The following SYCP1 variants were observed in gnomAD, a reference collection of about 807,000 sequenced individuals.
SYCP1 encodes the protein synaptonemal complex protein 1.
A neutral mutation model predicts 153.1 loss-of-function variants in SYCP1; 64 were observed. The observed-to-expected ratio is 0.42, with a 90% CI of 0.34 to 0.51. SYCP1 has a LOEUF of 0.51. Ranked by LOEUF, SYCP1 falls within the 20% of genes least tolerant of loss-of-function variation. The pLI, the probability that SYCP1 is intolerant of heterozygous loss-of-function variation, is 0.06. For synonymous variants in SYCP1, 384 were observed against 341.8 expected (o/e 1.12, Z -1.36); for missense variants, 997 against 1,049.0 (o/e 0.95, Z 0.68).
At chr1:114,957,313 T>G (rs1275091363) in intron 27 of SYCP1, among the ~76,000 whole-genome samples, 2 of 152,192 alleles carry the variant, frequency 1.3e-5, no homozygotes, top group African/African-American at 2.4e-5. Flanking sequence ...TTTACTTAGA[T>G]GTAAGACCTG....
At chr1:114,986,985 C>T (rs568176621) in intron 30 of SYCP1, among the ~76,000 whole-genome samples, 60 of 152,000 alleles carry the variant, frequency 3.9e-4, no homozygotes, top group Admixed American at 1.1e-3. Context: ...CCAGAGGGGG[C>T]AATAGGACTT....
intron 4 of SYCP1, 64 bp downstream of exon 4, chr1:114,857,339 GA>G (rs559017767): frequency 7.1e-4 from 1,110 of 1,553,460 alleles, no homozygotes; most frequent in Non-Finnish European, 8.6e-4. Context: ...ATTTGAAGAC[GA>G]AAAAAGTCTT....
chr1:114,947,883 T>G (rs1412543366), intron 27 of SYCP1, among the ~76,000 whole-genome samples: 1 of 151,158 alleles, frequency 6.6e-6, no homozygotes, highest in Non-Finnish European at 1.5e-5. Flanking sequence ...TGTTAACATT[T>G]TTAATGTATA....
Position 114,876,061 on chromosome 1 carries a change from T to C in SYCP1, c.658-8T>C. On this transcript the variant is annotated splice_polypyrimidine_tract_variant and splice_region_variant and intron_variant, in intron 9 of 31. Transcript: ENST00000369522. Reference sequence around the variant, plus strand: ...TTTAAGTATGATTCTTAAAACTTTATATTTCAGAAAATGATAACAGCTTTT... The same window carrying C: ...TTTAAGTATGATTCTTAAAACTTTACATTTCAGAAAATGATAACAGCTTTT... 6.5e-7 allele frequency: 1 copy of C among 1,543,260 alleles called. No individual in the cohort carries two copies. The highest frequency in any genetic ancestry group is 8.7e-7 in the Non-Finnish European group (1 of 1,144,770).
Position 114,924,489 on chromosome 1 carries a change from T to A in SYCP1, c.1800+959T>A, listed in dbSNP as rs377332398. The stretch of plus-strand genomic sequence containing the variant: ...TATTAGAGTCTATAGAAAGGACATC[T>A]AATCCAAACTTGAGCTAGGGCGTGC... On this transcript the variant is annotated intron_variant, in intron 21 of 31. Coordinates refer to ENST00000369522, the MANE Select transcript of SYCP1 (RefSeq NM_003176.4). 1.2e-4 allele frequency among the ~76,000 whole-genome samples: 19 copies of A among 152,306 alleles called. No homozygotes were observed. In the South Asian group the frequency reaches 3.9e-3, roughly 32 times the overall value.
At chr1:114,963,023 TC>T (rs1671878058) in intron 27 of SYCP1, among the ~76,000 whole-genome samples, 2 of 152,242 alleles carry the variant, frequency 1.3e-5, no homozygotes, top group African/African-American at 4.8e-5. Context: ...TTGTAAGGTT[TC>T]TGCTGAGAAG....
intron 8 of SYCP1, among the ~76,000 whole-genome samples, chr1:114,865,481 G>T (rs1664681286): frequency 6.6e-6 from 1 of 152,120 alleles, no homozygotes; most frequent in Non-Finnish European, 1.5e-5. Context: ...TTCATTGTGG[G>T]TGTTCCAATA....
chr1:114,978,662 G>C (rs1672950842), intron 28 of SYCP1, among the ~76,000 whole-genome samples: 1 of 151,604 alleles, frequency 6.6e-6, no homozygotes, highest in Non-Finnish European at 1.5e-5. Context: ...AGTTAAACTG[G>C]AAGGAAATGA....
chr1:114,884,889 T>C (rs748529881), intron 12 of SYCP1, among the ~76,000 whole-genome samples: 4 of 152,180 alleles, frequency 2.6e-5, no homozygotes, highest in Non-Finnish European at 4.4e-5. Flanking sequence ...GCTTTTATGA[T>C]GTTTAAAAAT....
intron 11 of SYCP1, among the ~76,000 whole-genome samples, chr1:114,877,290 G>T (rs1408066486): frequency 6.6e-6 from 1 of 151,994 alleles, no homozygotes; most frequent in Non-Finnish European, 1.5e-5. Flanking sequence ...TCATATAGTG[G>T]AAGACTTGAA....
intron 16 of SYCP1, 104 bp downstream of exon 16, chr1:114,895,613 T>C (rs1667008609): frequency 1.8e-6 from 1 of 561,332 alleles, no homozygotes; most frequent in Admixed American, 4.2e-5. Context: ...ATACTAATTT[T>C]TTCAGCTAAA....
chr1:114,919,280 T>C (rs764271898), intron 20 of SYCP1, among the ~76,000 whole-genome samples: 1 of 152,088 alleles, frequency 6.6e-6, no homozygotes, highest in Non-Finnish European at 1.5e-5. Context: ...TTTTGTCCTA[T>C]AGCATGTTGA....
chr1:114,860,866 G>A, intron 8 of SYCP1, 57 bp downstream of exon 8: 1 of 1,288,838 alleles, frequency 7.8e-7, no homozygotes, highest in Non-Finnish European at 1.1e-6. Flanking sequence ...GGTAGAGGTG[G>A]AGAGGGAAAG....
chr1:114,947,325 G>T lies in SYCP1; in HGVS notation c.2322+5G>T. 4 of 1,609,720 alleles carry T rather than the reference G, an allele frequency of 2.5e-6. No individual in the cohort carries two copies. Among genetic ancestry groups the T allele is most frequent in the Non-Finnish European group, 2.5e-6 (3 of 1,177,986 alleles). On this transcript the variant is annotated splice_donor_5th_base_variant and intron_variant, in intron 27 of 31. Coordinates refer to ENST00000369522, the MANE Select transcript of SYCP1 (RefSeq NM_003176.4). ...GAAATAGAAAGAGAAGAGAAGGTAG[G>T]TTTTTTGGCATTATAGATAAAATGA... is the stretch of plus-strand genomic sequence containing the variant.
intron 12 of SYCP1, among the ~76,000 whole-genome samples, chr1:114,884,735 T>C (rs1246156768): frequency 6.6e-6 from 1 of 152,200 alleles, no homozygotes; most frequent in Non-Finnish European, 1.5e-5. Context: ...CTTCATAATA[T>C]GAATAATTAT....
chr1:114,960,426 C>T (rs541965917), intron 27 of SYCP1, among the ~76,000 whole-genome samples: 35 of 152,234 alleles, frequency 2.3e-4, no homozygotes, highest in Middle Eastern at 6.8e-3. Flanking sequence ...CCTTGGCCTC[C>T]CTAAGTGCTG....
intron 27 of SYCP1, among the ~76,000 whole-genome samples, chr1:114,953,353 T>C (rs914553921): frequency 1.3e-5 from 2 of 152,158 alleles, no homozygotes; most frequent in African/African-American, 4.8e-5. Context: ...CTTTTATGGA[T>C]TGTGCTTTTG....
At chr1:114,970,141 G>A (rs190439863) in intron 27 of SYCP1, among the ~76,000 whole-genome samples, 1 of 152,252 alleles carries the variant, frequency 6.6e-6, no homozygotes, top group East Asian at 1.9e-4. Context: ...TGTTGGATTG[G>A]ATTAATTTGA....
intron 27 of SYCP1, among the ~76,000 whole-genome samples, chr1:114,960,388 G>A (rs1345703993): frequency 6.6e-6 from 1 of 151,986 alleles, no homozygotes; most frequent in Non-Finnish European, 1.5e-5. Context: ...GGCTTGTCTC[G>A]AACTCCTGAC....
Sources: gnomAD v4.1 joint callset for allele counts (sites outside exome capture counted in the v4.1 genomes callset) on GRCh38, gnomAD v4.1.1 for gene constraint, MANE v1.5 for transcripts, NCBI Gene and HGNC (gene_info 2026-07-23, HGNC 2026-07-21) for gene names.